PCDH15: variants seen among roughly 807,000 people sequenced by gnomAD.
PCDH15 encodes protocadherin related 15.
Under a neutral mutation model 178.5 loss-of-function variants are expected in PCDH15, and 129 were observed. The ratio of observed to expected loss-of-function variants is 0.72; its 90% confidence interval spans 0.63 to 0.84. The LOEUF is 0.84. Ranked by LOEUF, PCDH15 falls within the 40% of genes least tolerant of loss-of-function variation. PCDH15 has a pLI of 0.00. For synonymous variants in PCDH15, 800 were observed against 732.0 expected (o/e 1.09, Z -1.50); for missense variants, 2,230 against 2,099.9 (o/e 1.06, Z -1.21).
chr10:54,380,794 A>G (rs908895224), intron 3 of PCDH15, among the ~76,000 whole-genome samples: 1 of 144,500 alleles, frequency 6.9e-6, no homozygotes, highest in African/African-American at 2.6e-5. Context: ...CCATTGAACT[A>G]TCTTTACAAA....
chr10:55,078,788 C>T (rs976593883), intron 2 of PCDH15, among the ~76,000 whole-genome samples: 1 of 151,934 alleles, frequency 6.6e-6, no homozygotes, highest in Non-Finnish European at 1.5e-5. Context: ...CCCAAACCCC[C>T]CGTGGATCCC....
intron 1 of PCDH15, among the ~76,000 whole-genome samples, chr10:54,789,656 C>T (rs959220116): frequency 6.6e-6 from 1 of 151,832 alleles, no homozygotes; most frequent in South Asian, 2.1e-4. Context: ...TGTTTAAATG[C>T]AACTATTTAT....
At position 54,075,103 on chromosome 10, in the gene PCDH15, C is replaced by T. The variant is rs559609868; in HGVS notation, c.2091+4228G>A. Among the ~76,000 whole-genome samples the T allele has an allele frequency of 1.1e-4, 17 of 152,152 alleles. No homozygotes were observed. The East Asian group carries it at 1.9e-3, about 17-fold the overall frequency. On this transcript the variant is annotated intron_variant, in intron 17 of 37. Coordinates refer to ENST00000644397, the MANE Select transcript of PCDH15 (RefSeq NM_001384140.1). Reference sequence around the variant, plus strand: ...TTCTTTAAAAAATTCTCGGGCTGGGCGTGGTGGCTCACACCTGTAATCCCA... The same window carrying T: ...TTCTTTAAAAAATTCTCGGGCTGGGTGTGGTGGCTCACACCTGTAATCCCA...
chr10:55,050,316 T>A, intron 2 of PCDH15, among the ~76,000 whole-genome samples: 1 of 151,978 alleles, frequency 6.6e-6, no homozygotes, highest in Non-Finnish European at 1.5e-5. Flanking sequence ...ACACTAATAA[T>A]TGTATCTAAT....
intron 1 of PCDH15, among the ~76,000 whole-genome samples, chr10:55,205,818 G>T (rs1840383243): frequency 6.6e-6 from 1 of 151,996 alleles, no homozygotes; most frequent in African/African-American, 2.4e-5. Flanking sequence ...ATTTACAAAA[G>T]AAAGAGGTTT....
chr10:54,999,242 T>G (rs546533641), intron 2 of PCDH15, among the ~76,000 whole-genome samples: 1 of 152,302 alleles, frequency 6.6e-6, no homozygotes, highest in South Asian at 2.1e-4. Context: ...CAATATGTTT[T>G]TCTTACCTCT....
At chr10:54,562,460 TAA>T (rs2088323502) in intron 2 of PCDH15, among the ~76,000 whole-genome samples, 1 of 152,130 alleles carries the variant, frequency 6.6e-6, no homozygotes, top group Admixed American at 6.6e-5. Flanking sequence ...AAGCCAAAGA[TAA>T]GTTAATTATT....
chr10:55,515,466 T>C (rs1840990448), intron 2 of PCDH15, among the ~76,000 whole-genome samples: 1 of 152,110 alleles, frequency 6.6e-6, no homozygotes, highest in South Asian at 2.1e-4. Flanking sequence ...GTGTCTTTCA[T>C]TAAGGTAGAT....
At chr10:54,804,927 T>TATATATATATATATATATA (rs1952750730), upstream of PCDH15, among the ~76,000 whole-genome samples, 14 of 50,848 alleles carry the variant, frequency 2.8e-4, 2 homozygotes, top group East Asian at 6.4e-4. Context: ...TCATAGTAGA[T>TATATATATATATATATATA]TATATATATA....
intron 2 of PCDH15, among the ~76,000 whole-genome samples, chr10:55,582,787 A>C: frequency 6.6e-6 from 1 of 151,578 alleles, no homozygotes; most frequent in East Asian, 1.9e-4. Flanking sequence ...AGTTATCCCA[A>C]AATGGTCACT....
intron 8 of PCDH15, among the ~76,000 whole-genome samples, chr10:54,245,733 A>G (rs1332913336): frequency 6.6e-6 from 1 of 150,666 alleles, no homozygotes; most frequent in African/African-American, 2.5e-5. Context: ...AAAGCAGGTT[A>G]AGTTCAAGGA....
intron 1 of PCDH15, among the ~76,000 whole-genome samples, chr10:54,700,582 T>G (rs1591140943): frequency 1.3e-5 from 2 of 152,116 alleles, no homozygotes; most frequent in East Asian, 3.9e-4. Flanking sequence ...ATTGCAAGTA[T>G]CAACGCAAAA....
chr10:55,230,045 A>C (rs2132196537), intron 1 of PCDH15, among the ~76,000 whole-genome samples: 1 of 152,212 alleles, frequency 6.6e-6, no homozygotes, highest in East Asian at 1.9e-4. Flanking sequence ...AAAAGCACTT[A>C]TAACCTAGTG....
chr10:53,813,466 G>A, intron 35 of PCDH15, among the ~76,000 whole-genome samples: 1 of 152,180 alleles, frequency 6.6e-6, no homozygotes, highest in East Asian at 1.9e-4. Flanking sequence ...ACAATACTAT[G>A]TATTTGCAGG....
intron 6 of PCDH15, among the ~76,000 whole-genome samples, chr10:54,342,684 A>G (rs1386770966): frequency 6.6e-6 from 1 of 151,990 alleles, no homozygotes; most frequent in East Asian, 1.9e-4. Context: ...GCTTGGAAAA[A>G]CCACAAGCAC....
rs796713892 is a variant in PCDH15 at position 54,352,950 on chromosome 10, T to C, written c.475-6466A>G. Among the ~76,000 whole-genome samples, 18 of 152,286 alleles carry C rather than the reference T, an allele frequency of 1.2e-4. No individual in the cohort carries two copies. The South Asian group carries it at 3.3e-3, about 28-fold the overall frequency. ...GCAATTAATCCCTGCCTTGGAAATA[T>C]GCTTTAGAAATGGTAAATTTAGAAA... On this transcript the variant is annotated intron_variant, in intron 5 of 37. Transcript: ENST00000644397.
chr10:54,517,089 C>A (rs2082310860), intron 3 of PCDH15, among the ~76,000 whole-genome samples: 1 of 152,142 alleles, frequency 6.6e-6, no homozygotes, highest in Non-Finnish European at 1.5e-5. Context: ...ACAACAGGTA[C>A]CAGCCACTGC....
chr10:53,825,948 C>G (rs1415542060), intron 32 of PCDH15, among the ~76,000 whole-genome samples: 2 of 151,458 alleles, frequency 1.3e-5, no homozygotes, highest in Non-Finnish European at 3.0e-5. Flanking sequence ...TATGCTGATT[C>G]CAGATGATGT....
chr10:55,418,881 G>T (rs1485931940), intron 2 of PCDH15, among the ~76,000 whole-genome samples: 1 of 151,732 alleles, frequency 6.6e-6, no homozygotes, highest in Non-Finnish European at 1.5e-5. Context: ...TTATTATAAA[G>T]TTTAGCCCTG....
Sources: allele counts gnomAD v4.1 joint callset (sites outside exome capture counted in the v4.1 genomes callset), GRCh38; gene constraint gnomAD v4.1.1; transcripts MANE v1.5; gene names NCBI Gene and HGNC (gene_info 2026-07-23, HGNC 2026-07-21).